The following HUNK variants were observed in gnomAD, a reference collection of about 807,000 sequenced individuals.
HUNK encodes hormonally up-regulated neu tumor-associated kinase.
In HUNK, 21 loss-of-function variants were observed where a neutral mutation model predicts 61.0. The ratio of observed to expected loss-of-function variants is 0.34; its 90% CI spans 0.24 to 0.50. The LOEUF is 0.50. Ranked by LOEUF, HUNK falls within the 20% of genes least tolerant of loss-of-function variation. The pLI is 0.98. For missense variants in HUNK, 772 were observed against 945.7 expected (o/e 0.82, Z 2.41); for synonymous variants, 371 against 386.1 (o/e 0.96, Z 0.46).
At chr21:31,913,645 G>A (rs1021343200) in intron 1 of HUNK, among the ~76,000 whole-genome samples, 7 of 151,988 alleles carry the variant, frequency 4.6e-5, no homozygotes, top group Non-Finnish European at 8.8e-5. Context: ...AGGCACGTCA[G>A]AGCTCAGGAA....
chr21:31,904,502 T>C (rs934403987), intron 1 of HUNK, among the ~76,000 whole-genome samples: 3 of 152,132 alleles, frequency 2.0e-5, no homozygotes, highest in Non-Finnish European at 4.4e-5. Flanking sequence ...CTTAAAATCG[T>C]ATTTAGAAAG....
intron 2 of HUNK, among the ~76,000 whole-genome samples, chr21:31,937,642 A>G (rs1484801473): frequency 6.6e-6 from 1 of 152,362 alleles, no homozygotes; most frequent in African/African-American, 2.4e-5. Context: ...TGTTTCATGA[A>G]ATGTGACAGT....
Position 31,951,078 on chromosome 21 carries a change from G to A in HUNK, c.746+4907G>A, listed in dbSNP as rs142715216. Among the ~76,000 whole-genome samples the A allele has an allele frequency of 4.9e-3, 742 of 151,908 alleles. 6 individuals are homozygous for A. Among genetic ancestry groups the A allele is most frequent in the African/African-American group, 0.017 (707 of 41,432 alleles). On this transcript the variant is annotated intron_variant, in intron 4 of 10. Coordinates refer to ENST00000270112, the MANE Select transcript of HUNK (RefSeq NM_014586.2). ...ATGGGAAATGGCGCGCTTTCTTGGG[G>A]GTTTGTATTTCTTGGGGGTTTTCCA...
chr21:31,939,339 T>C (rs1438823386), intron 2 of HUNK, among the ~76,000 whole-genome samples: 1 of 151,944 alleles, frequency 6.6e-6, no homozygotes, highest in Admixed American at 6.6e-5. Context: ...CAGTTTGTTA[T>C]GACCCTTGGG....
chr21:31,964,036 T>A (rs1460020594), intron 5 of HUNK, among the ~76,000 whole-genome samples: 2 of 152,206 alleles, frequency 1.3e-5, no homozygotes, highest in Non-Finnish European at 2.9e-5. Context: ...TTGGCACTTG[T>A]ATGTCACAGA....
chr21:31,915,040 G>A (rs941103127), intron 1 of HUNK, among the ~76,000 whole-genome samples: 1 of 127,144 alleles, frequency 7.9e-6, no homozygotes, highest in Non-Finnish European at 1.6e-5. Flanking sequence ...GACCAGAAGT[G>A]TTTTAGATTT....
At chr21:31,884,045 C>T (rs1601357621) in intron 1 of HUNK, among the ~76,000 whole-genome samples, 1 of 152,194 alleles carries the variant, frequency 6.6e-6, no homozygotes. Context: ...AAATCTTTGA[C>T]TCTTGCTGGT....
At chr21:31,956,827 A>AT (rs1401802793) in intron 4 of HUNK, among the ~76,000 whole-genome samples, 4 of 152,114 alleles carry the variant, frequency 2.6e-5, no homozygotes, top group African/African-American at 9.7e-5. Flanking sequence ...TACTCCCTGA[A>AT]TTATTTGGTC....
At chr21:31,943,387 A>G (rs2052781668) in intron 3 of HUNK, among the ~76,000 whole-genome samples, 2 of 152,220 alleles carry the variant, frequency 1.3e-5, no homozygotes, top group African/African-American at 4.8e-5. Context: ...GCTCTCAGAA[A>G]ATTGAGTCGT....
chr21:31,943,231 C>T (rs1387985298), intron 3 of HUNK, among the ~76,000 whole-genome samples: 1 of 152,040 alleles, frequency 6.6e-6, no homozygotes, highest in Non-Finnish European at 1.5e-5. Context: ...GTGATTTAAT[C>T]AGGAGGTTTT....
At chr21:31,934,876 A>G (rs2052722848) in intron 2 of HUNK, among the ~76,000 whole-genome samples, 1 of 152,096 alleles carries the variant, frequency 6.6e-6, no homozygotes, top group Admixed American at 6.6e-5. Context: ...TCCATGGTAC[A>G]TATGTACCCC....
intron 4 of HUNK, among the ~76,000 whole-genome samples, chr21:31,957,624 A>G (rs1453515028): frequency 6.6e-6 from 1 of 152,190 alleles, no homozygotes; most frequent in Non-Finnish European, 1.5e-5. Context: ...GTAGGCAGGC[A>G]TTTCATCCTC....
intron 1 of HUNK, among the ~76,000 whole-genome samples, chr21:31,907,004 G>A (rs143756193): frequency 0.012 from 1,785 of 152,100 alleles, 37 homozygotes; most frequent in African/African-American, 0.041. Flanking sequence ...GTGAAGCTCC[G>A]GCTCTACTAA....
At chr21:31,959,419 T>G (rs2052912576) in intron 5 of HUNK, among the ~76,000 whole-genome samples, 1 of 152,236 alleles carries the variant, frequency 6.6e-6, no homozygotes, top group African/African-American at 2.4e-5. Context: ...TGATTTGTTT[T>G]GTGAGTTGAG....
chr21:31,948,864 G>A (rs1031184212), intron 4 of HUNK, among the ~76,000 whole-genome samples: 2 of 152,180 alleles, frequency 1.3e-5, no homozygotes, highest in African/African-American at 2.4e-5. Context: ...AGAATGAGAT[G>A]TGGAGAGATA....
At chr21:31,936,088 C>T (rs990688443) in intron 2 of HUNK, among the ~76,000 whole-genome samples, 2 of 152,164 alleles carry the variant, frequency 1.3e-5, no homozygotes, top group East Asian at 1.9e-4. Context: ...TGAGCCACCG[C>T]GCCCAACCTT....
intron 9 of HUNK, among the ~76,000 whole-genome samples, chr21:31,990,556 T>TATTG (rs1372145743): frequency 7.0e-5 from 10 of 142,986 alleles, no homozygotes; most frequent in African/African-American, 2.1e-4. Context: ...TTTATTTATT[T>TATTG]ATTGAGTCTC....
At chr21:31,878,463 G>A (rs1205543105) in intron 1 of HUNK, among the ~76,000 whole-genome samples, 3 of 151,800 alleles carry the variant, frequency 2.0e-5, no homozygotes, top group South Asian at 2.1e-4. Context: ...GGCTGGACGC[G>A]GTGGCTCATG....
intron 1 of HUNK, among the ~76,000 whole-genome samples, chr21:31,904,354 G>A (rs535756766): frequency 6.6e-6 from 1 of 152,186 alleles, no homozygotes; most frequent in African/African-American, 2.4e-5. Flanking sequence ...ATGCCTCACT[G>A]AAAGCAGCTG....
Sources: allele counts gnomAD v4.1 joint callset (sites outside exome capture counted in the v4.1 genomes callset), GRCh38; gene constraint gnomAD v4.1.1; transcripts MANE v1.5; gene names NCBI Gene and HGNC (gene_info 2026-07-23, HGNC 2026-07-21).